The following TRIM50 variants were observed in gnomAD, a reference collection of about 807,000 sequenced individuals.
TRIM50 encodes E3 ubiquitin-protein ligase TRIM50.
A neutral mutation model predicts 44.9 loss-of-function variants in TRIM50; 34 were observed. The observed-to-expected ratio is 0.76, with a 90% confidence interval of 0.58 to 1.01. The LOEUF is 1.01. TRIM50 is among the 50% of genes least tolerant of loss of function. TRIM50 has a pLI of 0.00. For missense variants in TRIM50, 633 were observed against 663.7 expected (o/e 0.95, Z 0.51); for synonymous variants, 307 against 291.1 (o/e 1.05, Z -0.56).
chr7:73,323,166 G>C (rs1480125884), intron 2 of TRIM50, among the ~76,000 whole-genome samples: 2 of 152,154 alleles, frequency 1.3e-5, no homozygotes, highest in African/African-American at 4.8e-5. Context: ...CTCTGCCAGA[G>C]AGATCTGAGC....
intron 6 of TRIM50, chr7:73,315,012 C>A: frequency 5.4e-6 from 2 of 370,868 alleles, no homozygotes; most frequent in South Asian, 2.4e-5. Flanking sequence ...GGAAGACCTG[C>A]ACCACTGTCG....
rs782617937 is a variant in TRIM50, at chr7:73,324,816, G to C, written c.-18-11C>G. 6.2e-7 allele frequency: 1 copy of C among 1,612,754 alleles called. No homozygotes were observed. Reference sequence around the variant, plus strand: ...CACTCACTGCCCGGGCTGAAACACAGGCATCCGACCTCAGTCCTGTCCCCT... The same window carrying C: ...CACTCACTGCCCGGGCTGAAACACACGCATCCGACCTCAGTCCTGTCCCCT... On this transcript the variant is annotated splice_polypyrimidine_tract_variant and intron_variant, in intron 1 of 6. Transcript: ENST00000333149.
intron 1 of TRIM50, 40 bp from the exon 2 acceptor site, chr7:73,324,845 C>T: frequency 6.2e-7 from 1 of 1,609,280 alleles, no homozygotes; most frequent in Non-Finnish European, 8.5e-7. Context: ...GTCCCCTCCC[C>T]TCCCCCTGTC....
At chr7:73,323,176 C>A (rs1554545314) in intron 2 of TRIM50, among the ~76,000 whole-genome samples, 1 of 152,222 alleles carries the variant, frequency 6.6e-6, no homozygotes, top group African/African-American at 2.4e-5. Context: ...GAGATCTGAG[C>A]ATTTCATCAC....
In TRIM50 at chr7:73,320,224, T is replaced by C. The variant is rs3108460; in HGVS notation, c.418A>G (p.Ile140Val). 1.9e-6 allele frequency: 3 copies of C among 1,613,864 alleles called. No homozygotes were observed. The highest frequency in any genetic ancestry group is 2.5e-6 in the Non-Finnish European group (3 of 1,179,884). The change falls in exon 3 of 7, where the codon ATC becomes GTC. Residue 140 changes from isoleucine to valine, a missense_variant. Coordinates refer to ENST00000333149, the MANE Select transcript of TRIM50 (RefSeq NM_178125.3). ...SRMKEELAAL[I>V]SELKQEQKKV... ...TTCTGCTCCTGCTTCAGCTCAGAGA[T>C]GAGGGCTGCGAGCTCCTCCTGGAGG...
chr7:73,326,997 G>C (rs2115794376), intron 1 of TRIM50, among the ~76,000 whole-genome samples: 1 of 152,142 alleles, frequency 6.6e-6, no homozygotes. Context: ...CATCATGTGG[G>C]GCAGGCTGGT....
At position 73,313,562 on chromosome 7, in the gene TRIM50, C is replaced by T. The variant is rs1292617333; in HGVS notation, c.875-52G>A. The T allele has an allele frequency of 5.7e-6, 8 of 1,412,310 alleles. No individual in the cohort carries two copies. In the African/African-American group the frequency reaches 7.2e-5, roughly 13 times the overall value. The allele number at this position is 1,412,310 out of a possible 1,614,324, so 87.5% of individuals were successfully genotyped here. A position where few individuals can be genotyped will look rare whatever the true frequency, so the allele number is the denominator to read the frequency against. On this transcript the variant is annotated intron_variant, in intron 6 of 6. Coordinates refer to ENST00000333149, the MANE Select transcript of TRIM50 (RefSeq NM_178125.3). This position sits in a 1 kb window ranked among gnomAD's most constrained non-coding sequence, Gnocchi z 4.9. ...TGAGGCCACGTGGAGGGCAGCAGAC[C>T]CGGCCCACAGAAGCTGATGGAGGCC... is the stretch of plus-strand genomic sequence containing the variant.
chr7:73,320,369 C>G, intron 2 of TRIM50, 127 bp from the exon 3 acceptor site: 1 of 1,355,792 alleles, frequency 7.4e-7, no homozygotes. Flanking sequence ...GGAACCAGAG[C>G]CACCCAGGTA....
Position 73,318,943 on chromosome 7 carries a change from C to A in TRIM50, c.605G>T (p.Arg202Leu). The A allele has an allele frequency of 6.2e-7, 1 of 1,614,036 alleles. No individual in the cohort carries two copies. Among genetic ancestry groups the A allele is most frequent in the Non-Finnish European group, 8.5e-7 (1 of 1,179,876 alleles). ...RCLEGIGGHT[R>L]GLVASLDMQL... ...CATGTCCAGGGAGGCCACCAGGCCA[C>A]GGGTGTGACCCCCTATCCCCTCCAG... Residue 202 changes from arginine (R) to leucine (L), a missense_variant, in exon 4 of 7, where the codon CGT becomes CTT. Physicochemically the swap from Arg to Leu is moderately radical, Grantham distance 102 (BLOSUM62 -2). Transcript: ENST00000333149.
Position 73,324,614 on chromosome 7 carries a change from C to A in TRIM50, c.174G>T (p.Gln58His). Residue 58 changes from glutamine to histidine, a missense_variant, in exon 2 of 7, where the codon CAG (glutamine) becomes CAT (histidine). Coordinates refer to ENST00000333149, the MANE Select transcript of TRIM50 (RefSeq NM_178125.3). ...DAELRCPVCR[Q>H]AVDGSSSLPN... ...GCAGGGAGCTGCTGCCGTCCACCGC[C>A]TGCCGGCACACGGGGCAGCGCAGCT... 6.2e-7 allele frequency: 1 copy of A among 1,614,174 alleles called. No individual in the cohort carries two copies. Among genetic ancestry groups the A allele is most frequent in the Non-Finnish European group, 8.5e-7 (1 of 1,180,032 alleles).
In TRIM50 at chr7:73,313,647, AG is replaced by A; in HGVS notation, c.875-138del. 1 of 668,984 alleles carries A rather than the reference AG, an allele frequency of 1.5e-6. No individual in the cohort carries two copies. The highest frequency in any genetic ancestry group is 2.0e-5 in the South Asian group (1 of 50,766). The allele number at this position is 668,984 out of a possible 1,614,324, so 41.4% of individuals were successfully genotyped here. ...CATCTCTCTAGCCCCAGGGTCTAGA[AG>A]GGGCCAGTACAGGGCTGCTCCCTGA... On this transcript the variant is annotated intron_variant, in intron 6 of 6. Coordinates refer to ENST00000333149, the MANE Select transcript of TRIM50 (RefSeq NM_178125.3). This position sits in a 1 kb window ranked among gnomAD's most constrained non-coding sequence, Gnocchi z 4.9.
intron 3 of TRIM50, 123 bp from the exon 4 acceptor site, chr7:73,319,175 G>A (rs1804434703): frequency 3.6e-5 from 55 of 1,514,486 alleles, no homozygotes; most frequent in Non-Finnish European, 4.9e-5. Flanking sequence ...TCTCAGGGGA[G>A]GCTGCATGGC....
intron 1 of TRIM50, among the ~76,000 whole-genome samples, 177 bp downstream of exon 1, chr7:73,327,723 G>C (rs556226421): frequency 2.0e-5 from 3 of 152,160 alleles, no homozygotes; most frequent in Non-Finnish European, 4.4e-5. Flanking sequence ...CTTCAAGGGC[G>C]GCAGCCCTGT....
rs1212940347 is a variant in TRIM50, at chr7:73,312,738, C to T, written c.*183G>A. On this transcript the variant is annotated 3_prime_UTR_variant, in exon 7 of 7. Transcript: ENST00000333149. ...CTGGGGGCCGAAGTTTACAAATACA[C>T]CCTTGGCTGAGGGGAAAGGGACTGG... The T allele has an allele frequency of 1.5e-5, 9 of 586,428 alleles. No homozygotes were observed. Among genetic ancestry groups the T allele is most frequent in the Non-Finnish European group, 2.4e-5 (8 of 339,326 alleles). The allele number at this position is 586,428 out of a possible 1,614,324, so 36.3% of individuals were successfully genotyped here.
rs782361268 is a variant in TRIM50, at chr7:73,320,172, A to G, written c.470T>C (p.Leu157Pro). The G allele has an allele frequency of 2.4e-5, 38 of 1,613,892 alleles. No homozygotes were observed. The Middle Eastern group carries it at 4.1e-3, about 175-fold the overall frequency. The change falls in exon 3 of 7, where the codon CTG becomes CCG. Residue 157 changes from leucine to proline, a missense_variant. Physicochemically the swap from Leu to Pro is moderately conservative, Grantham distance 98. Coordinates refer to ENST00000333149, the MANE Select transcript of TRIM50 (RefSeq NM_178125.3). ...GACGATTCGGGTCCGGTTGTTCACC[A>G]GTTTGGCGATGAGCTCATCCACCTT... ...QKKVDELIAK[L>P]VNNRTRIVNE...
intron 6 of TRIM50, chr7:73,314,927 C>A: frequency 4.0e-6 from 1 of 251,084 alleles, no homozygotes; most frequent in Non-Finnish European, 7.7e-6. Context: ...TGTCTTCCTG[C>A]CTGTGCCTGT....
chr7:73,324,086 G>C (rs1804555547), intron 2 of TRIM50, among the ~76,000 whole-genome samples: 1 of 151,812 alleles, frequency 6.6e-6, no homozygotes, highest in South Asian at 2.1e-4. Context: ...GGGAGAGGAA[G>C]AGGGAAGAGG....
chr7:73,316,804 G>A (rs1381497857), intron 5 of TRIM50, 115 bp from the exon 6 acceptor site: 2 of 1,415,422 alleles, frequency 1.4e-6, no homozygotes, highest in African/African-American at 2.9e-5. Context: ...CAGTCACAAT[G>A]CCCATCAATG....
intron 1 of TRIM50, among the ~76,000 whole-genome samples, chr7:73,326,426 A>G (rs1354716574): frequency 3.4e-5 from 5 of 145,134 alleles, no homozygotes; most frequent in African/African-American, 1.0e-4. Flanking sequence ...TTTTTAAGAT[A>G]TTCAAAGGTA....
Sources: gnomAD v4.1 joint callset for allele counts (sites outside exome capture counted in the v4.1 genomes callset) on GRCh38, gnomAD v4.1.1 for gene constraint, Gnocchi (gnomAD v3.1) non-coding constraint, MANE v1.5 for transcripts, NCBI Gene and HGNC (gene_info 2026-07-23, HGNC 2026-07-21) for gene names.